The following SRGAP3 variants were observed in gnomAD, a reference collection of about 807,000 sequenced individuals.
The protein encoded by SRGAP3 is SLIT-ROBO Rho GTPase activating protein 3, also known as SLIT-ROBO Rho GTPase-activating protein 3.
A neutral mutation model predicts 121.1 loss-of-function variants in SRGAP3; 39 were observed. The observed-to-expected ratio is 0.32, with a 90% CI of 0.25 to 0.42. The LOEUF is 0.42. Among genes scored for constraint, SRGAP3 ranks in the 10% least tolerant of loss-of-function variants. The pLI, the probability that SRGAP3 is intolerant of heterozygous loss-of-function variation, is 1.00. For synonymous variants in SRGAP3, 601 were observed against 570.0 expected, an observed-to-expected ratio of 1.05 and a Z score of -0.77; for missense variants, 1,213 against 1,470.6, an observed-to-expected ratio of 0.82 and a Z score of 2.86.
chr3:8,990,775 G>A lies in SRGAP3; in HGVS notation c.2623C>T (p.Pro875Ser). 1 of 1,601,638 alleles carries A rather than the reference G, an allele frequency of 6.2e-7. No individual in the cohort carries two copies. Among genetic ancestry groups the A allele is most frequent in the Non-Finnish European group, 8.5e-7 (1 of 1,173,926 alleles). Residue 875 changes from proline (P) to serine (S), a missense_variant, in exon 21 of 22, where the codon CCG becomes TCG. By Grantham distance (74) the Pro-to-Ser change is moderately conservative. Transcript: ENST00000383836. ...RRRSGGDTHSPPRGLGPSIDT... is the reference protein window; with the variant it reads ...RRRSGGDTHSSPRGLGPSIDT... ...ATGCTGGGGCCCAGGCCCCGGGGCGGGCTGTGTGTGTCGCCCCCGCTTCGG... is the reference window on the plus strand; with the variant it reads ...ATGCTGGGGCCCAGGCCCCGGGGCGAGCTGTGTGTGTCGCCCCCGCTTCGG...
intron 1 of SRGAP3, among the ~76,000 whole-genome samples, chr3:9,222,813 C>T (rs1952857838): frequency 6.6e-6 from 1 of 152,178 alleles, no homozygotes; most frequent in Non-Finnish European, 1.5e-5. Context: ...GAGCATTTTG[C>T]CCCCTTCCCA....
chr3:9,346,793 C>A (rs1024673418), intron 1 of SRGAP3, among the ~76,000 whole-genome samples: 2 of 150,178 alleles, frequency 1.3e-5, no homozygotes, highest in Non-Finnish European at 3.0e-5. Flanking sequence ...TCACTCTTCT[C>A]CCCTGAGGCT....
chr3:9,049,814 C>A (rs1004606649), intron 9 of SRGAP3, among the ~76,000 whole-genome samples: 1 of 148,786 alleles, frequency 6.7e-6, no homozygotes, highest in African/African-American at 2.5e-5. Flanking sequence ...GGCTCTATTG[C>A]CCAGGCTGGA....
intron 1 of SRGAP3, among the ~76,000 whole-genome samples, chr3:9,155,310 T>C (rs1950379436): frequency 6.6e-6 from 1 of 152,202 alleles, no homozygotes; most frequent in African/African-American, 2.4e-5. Context: ...GTCTTTTCTC[T>C]CTGGAGGCTT....
At chr3:9,182,360 G>A (rs1010459621) in intron 1 of SRGAP3, among the ~76,000 whole-genome samples, 1 of 151,998 alleles carries the variant, frequency 6.6e-6, no homozygotes, top group African/African-American at 2.4e-5. Flanking sequence ...TTTGGACAGA[G>A]GCACAGAGGG....
chr3:9,268,865 C>T lies in SRGAP3; in HGVS notation n.442+57145G>A, dbSNP rs551675997. 2.0e-3 allele frequency among the ~76,000 whole-genome samples: 309 copies of T among 152,290 alleles called. 2 individuals carry two copies. Among genetic ancestry groups the T allele is most frequent in the African/African-American group, 7.1e-3 (293 of 41,542 alleles). The stretch of plus-strand genomic sequence containing the variant: ...ACTGCATTTCATGTTCTCTTCCTTC[C>T]TTTTCCCCAGAAGTTCTGATATAGG... On this transcript the variant is annotated intron_variant and non_coding_transcript_variant, in intron 3 of 3. Coordinates refer to the SRGAP3 transcript ENST00000490889.
At chr3:9,272,806 A>AT (rs34322946) in intron 3 of SRGAP3, among the ~76,000 whole-genome samples, 4 of 151,014 alleles carry the variant, frequency 2.6e-5, no homozygotes, top group South Asian at 2.1e-4. Context: ...AATTCTGTTT[A>AT]TTTTTTTTTT....
chr3:9,174,182 G>C (rs1951090204), intron 1 of SRGAP3, among the ~76,000 whole-genome samples: 1 of 152,238 alleles, frequency 6.6e-6, no homozygotes, highest in Non-Finnish European at 1.5e-5. Context: ...ACAGGGACTA[G>C]AGGAAGGAGG....
chr3:9,346,073 G>A (rs936288644), intron 1 of SRGAP3, among the ~76,000 whole-genome samples: 1 of 151,974 alleles, frequency 6.6e-6, no homozygotes, highest in African/African-American at 2.4e-5. Context: ...CACAAAAAAC[G>A]TGCAGTAGTG....
At chr3:9,153,759 A>G (rs1410445502) in intron 1 of SRGAP3, among the ~76,000 whole-genome samples, 22 of 152,142 alleles carry the variant, frequency 1.4e-4, no homozygotes, top group Admixed American at 1.4e-3. Context: ...ATGACATATT[A>G]TTGTATACAT....
At chr3:9,057,866 A>T (rs1945903319) in intron 7 of SRGAP3, among the ~76,000 whole-genome samples, 1 of 152,214 alleles carries the variant, frequency 6.6e-6, no homozygotes, top group Non-Finnish European at 1.5e-5. Flanking sequence ...TGTTGGAGGA[A>T]GGGAGCGCCC....
intron 1 of SRGAP3, among the ~76,000 whole-genome samples, chr3:9,137,819 C>T (rs1335028033): frequency 1.3e-5 from 2 of 152,240 alleles, no homozygotes; most frequent in African/African-American, 4.8e-5. Context: ...ATGAAGAAGT[C>T]AGACAGAAGC....
chr3:9,145,322 C>G (rs1949988071), intron 1 of SRGAP3, among the ~76,000 whole-genome samples: 1 of 152,198 alleles, frequency 6.6e-6, no homozygotes, highest in Admixed American at 6.5e-5. Context: ...TCTCGAACTC[C>G]TGACCTCAGG....
chr3:9,304,187 G>A (rs1435361520), intron 3 of SRGAP3, among the ~76,000 whole-genome samples: 1 of 152,166 alleles, frequency 6.6e-6, no homozygotes, highest in Non-Finnish European at 1.5e-5. Flanking sequence ...AACAGTGCCT[G>A]TGTCCTAATC....
chr3:9,011,728 C>T (rs1295133899), intron 17 of SRGAP3, among the ~76,000 whole-genome samples: 3 of 152,188 alleles, frequency 2.0e-5, no homozygotes, highest in Non-Finnish European at 4.4e-5. Flanking sequence ...GCACAGAATC[C>T]AGCCCACAAC....
intron 1 of SRGAP3, among the ~76,000 whole-genome samples, chr3:9,227,372 G>T (rs1231453293): frequency 5.3e-5 from 8 of 152,210 alleles, no homozygotes; most frequent in African/African-American, 1.4e-4. Flanking sequence ...CTGGGTAAGA[G>T]TAATAACAGA....
intron 3 of SRGAP3, among the ~76,000 whole-genome samples, chr3:9,084,350 T>C (rs774059887): frequency 3.1e-4 from 47 of 152,176 alleles, no homozygotes; most frequent in Non-Finnish European, 3.4e-4. Flanking sequence ...GGTGAGTATG[T>C]GACTTAACTG....
At chr3:9,123,403 CAT>C (rs1949095345) in intron 2 of SRGAP3, among the ~76,000 whole-genome samples, 5 of 3,522 alleles carry the variant, frequency 1.4e-3, no homozygotes, top group South Asian at 0.028. Context: ...ACACAATACA[CAT>C]ACATACACAT....
intron 3 of SRGAP3, among the ~76,000 whole-genome samples, chr3:9,283,929 A>C (rs189502593): frequency 1.2e-4 from 19 of 152,308 alleles, no homozygotes; most frequent in Middle Eastern, 3.4e-3. Context: ...CACCAGGCAG[A>C]ATTCATTTGC....
Sources: gnomAD v4.1 joint callset for allele counts (sites outside exome capture counted in the v4.1 genomes callset) on GRCh38, gnomAD v4.1.1 for gene constraint, MANE v1.5 for transcripts, NCBI Gene and HGNC (gene_info 2026-07-23, HGNC 2026-07-21) for gene names.